Variants in IKZF3 observed in about 807,000 individuals in gnomAD.
The protein encoded by IKZF3 is zinc finger protein Aiolos.
Under a neutral mutation model 49.0 loss-of-function variants are expected in IKZF3, and 10 were observed. The observed-to-expected ratio is 0.20, with a 90% CI of 0.13 to 0.35. The LOEUF (loss-of-function observed/expected upper bound fraction) is 0.35, where lower values mean the gene tolerates loss of function less well. Among genes scored for constraint, IKZF3 ranks in the 10% least tolerant of loss-of-function variants. The probability of loss-of-function intolerance (pLI) is 1.00; values close to 1 mark genes in which losing one functional copy is unlikely to be tolerated. For synonymous variants in IKZF3, 209 were observed against 228.2 expected (o/e 0.92, Z 0.76); for missense variants, 498 against 664.8 (o/e 0.75, Z 2.76).
chr17:39,817,599 G>A (rs1430663582), intron 3 of IKZF3, among the ~76,000 whole-genome samples: 5 of 152,074 alleles, frequency 3.3e-5, no homozygotes, highest in Admixed American at 1.3e-4. Context: ...TCACAGTACC[G>A]GGCCTAACTC....
intron 3 of IKZF3, among the ~76,000 whole-genome samples, chr17:39,804,649 T>C (rs529489242): frequency 2.0e-5 from 3 of 152,292 alleles, no homozygotes; most frequent in African/African-American, 7.2e-5. Context: ...CCCACAGTGA[T>C]AGCCAGTCAT....
intron 3 of IKZF3, among the ~76,000 whole-genome samples, chr17:39,815,190 T>G (rs964965652): frequency 1.3e-5 from 2 of 152,208 alleles, no homozygotes; most frequent in Admixed American, 1.3e-4. Flanking sequence ...TTCCTTCTAT[T>G]TTCTAAGTGG....
intron 1 of IKZF3, among the ~76,000 whole-genome samples, chr17:39,863,414 T>TC (rs1267896279): frequency 2.6e-4 from 39 of 150,052 alleles, no homozygotes; most frequent in South Asian, 1.1e-3. Flanking sequence ...AATCCCACCA[T>TC]CCCCCCCCGA....
intron 3 of IKZF3, among the ~76,000 whole-genome samples, chr17:39,793,639 A>C (rs2061087114): frequency 6.6e-6 from 1 of 152,216 alleles, no homozygotes; most frequent in African/African-American, 2.4e-5. Flanking sequence ...AGTGGGGCTC[A>C]ATCTAAATAA....
intron 3 of IKZF3, among the ~76,000 whole-genome samples, chr17:39,821,478 G>A (rs1333671705): frequency 6.6e-6 from 1 of 152,140 alleles, no homozygotes; most frequent in Admixed American, 6.5e-5. Context: ...AGTTACTAAA[G>A]GTAAAAGTTA....
At position 39,821,350 on chromosome 17, in the gene IKZF3, G is replaced by T. The variant is rs115884070; in HGVS notation, c.163+8037C>A. ...AATTGGAGTGGGATTTGCTAGATCA[G>T]CCCAGGCTCACAGAAACATATGGTT... On this transcript the variant is annotated intron_variant, in intron 3 of 7. Coordinates refer to ENST00000346872, the MANE Select transcript of IKZF3 (RefSeq NM_012481.5). 8.5e-3 allele frequency among the ~76,000 whole-genome samples: 1,296 copies of T among 152,226 alleles called. 19 individuals are homozygous for T. The highest frequency in any genetic ancestry group is 0.03 in the African/African-American group (1,238 of 41,530).
At chr17:39,782,828 G>A (rs922980480) in intron 6 of IKZF3, among the ~76,000 whole-genome samples, 27 of 152,268 alleles carry the variant, frequency 1.8e-4, no homozygotes, top group African/African-American at 6.0e-4. Context: ...TGTCATTGTG[G>A]ATCAATTTCC....
At chr17:39,858,549 C>T (rs2063131624) in intron 1 of IKZF3, among the ~76,000 whole-genome samples, 1 of 152,008 alleles carries the variant, frequency 6.6e-6, no homozygotes, top group South Asian at 2.1e-4. Context: ...CTCACACTGT[C>T]ACCCAGGCTG....
intron 4 of IKZF3, 52 bp downstream of exon 4, chr17:39,792,621 C>A (rs3803795): frequency 1.4e-5 from 22 of 1,554,718 alleles, no homozygotes; most frequent in Admixed American, 5.9e-5. Flanking sequence ...TCATTTCTCA[C>A]GTGGCTGCAT....
chr17:39,815,592 T>G (rs1048613558), intron 3 of IKZF3, among the ~76,000 whole-genome samples: 1 of 152,232 alleles, frequency 6.6e-6, no homozygotes, highest in Non-Finnish European at 1.5e-5. Context: ...TTGCTGACAT[T>G]TTAGATCCAA....
intron 2 of IKZF3, among the ~76,000 whole-genome samples, chr17:39,829,833 T>C (rs2062061261): frequency 6.6e-6 from 1 of 152,124 alleles, no homozygotes; most frequent in African/African-American, 2.4e-5. Flanking sequence ...ATGCCTGTAA[T>C]CCCAGCTACT....
chr17:39,830,560 TA>T (rs1284025265), intron 2 of IKZF3, among the ~76,000 whole-genome samples: 2 of 152,174 alleles, frequency 1.3e-5, no homozygotes, highest in African/African-American at 4.8e-5. Flanking sequence ...AAATGTATAA[TA>T]AATATTGATA....
At chr17:39,803,348 T>G (rs978108794) in intron 3 of IKZF3, among the ~76,000 whole-genome samples, 2 of 152,126 alleles carry the variant, frequency 1.3e-5, no homozygotes, top group Non-Finnish European at 2.9e-5. Flanking sequence ...CTGCTACCCA[T>G]CAAAAAACAA....
At chr17:39,821,530 T>C (rs1203936839) in intron 3 of IKZF3, among the ~76,000 whole-genome samples, 1 of 152,112 alleles carries the variant, frequency 6.6e-6, no homozygotes, top group Non-Finnish European at 1.5e-5. Flanking sequence ...GGGGAGCTGG[T>C]TCACTGAATG....
intron 6 of IKZF3, among the ~76,000 whole-genome samples, chr17:39,787,681 C>T (rs938162699): frequency 6.6e-6 from 1 of 152,254 alleles, no homozygotes; most frequent in South Asian, 2.1e-4. Flanking sequence ...GGCCTCCTAA[C>T]TGGACCCCCA....
At chr17:39,826,064 A>G (rs1019964851) in intron 3 of IKZF3, among the ~76,000 whole-genome samples, 11 of 152,088 alleles carry the variant, frequency 7.2e-5, no homozygotes, top group Non-Finnish European at 8.8e-5. Context: ...GTTTGTTGAG[A>G]CAGGGTCTCA....
In IKZF3 at chr17:39,788,386, A is replaced by G. The variant is rs2060924400; in HGVS notation, c.593-12T>C. The G allele has an allele frequency of 6.4e-7, 1 of 1,574,374 alleles. No individual in the cohort carries two copies. The highest frequency in any genetic ancestry group is 1.3e-5 in the African/African-American group (1 of 74,148). ...GTAGGGTTTCTCCACTAGAAGGAGAACATAAGGGGCACTCAGTGACCCTCA... is the reference window on the plus strand; with the variant it reads ...GTAGGGTTTCTCCACTAGAAGGAGAGCATAAGGGGCACTCAGTGACCCTCA... On this transcript the variant is annotated splice_polypyrimidine_tract_variant and intron_variant, in intron 5 of 7. Transcript: ENST00000346872.
intron 1 of IKZF3, among the ~76,000 whole-genome samples, chr17:39,857,184 G>A (rs1308068174): frequency 2.0e-5 from 3 of 152,212 alleles, no homozygotes; most frequent in Middle Eastern, 6.8e-3. Context: ...ATAAAAATTA[G>A]TTACTTCCAG....
intron 3 of IKZF3, among the ~76,000 whole-genome samples, chr17:39,793,238 A>G (rs2061074913): frequency 6.6e-6 from 1 of 152,214 alleles, no homozygotes; most frequent in South Asian, 2.1e-4. Context: ...ACAAACATTG[A>G]GCAACTCTTC....
Sources: gnomAD v4.1 joint callset for allele counts (sites outside exome capture counted in the v4.1 genomes callset) on GRCh38, gnomAD v4.1.1 for gene constraint, MANE v1.5 for transcripts, NCBI Gene and HGNC (gene_info 2026-07-23, HGNC 2026-07-21) for gene names.